PGM5: variants seen among roughly 807,000 people sequenced by gnomAD.
The protein encoded by PGM5 is phosphoglucomutase 5.
Under a neutral mutation model 59.2 loss-of-function variants are expected in PGM5, and 23 were observed. The observed-to-expected ratio is 0.39, with a 90% confidence interval of 0.28 to 0.55. The LOEUF is 0.55. PGM5 is among the 20% of genes least tolerant of loss of function. PGM5 has a pLI of 0.66. For synonymous variants in PGM5, 214 were observed against 286.0 expected (o/e 0.75, Z 2.54); for missense variants, 574 against 748.3 (o/e 0.77, Z 2.72).
chr9:68,413,502 A>C (rs643533), intron 6 of PGM5, among the ~76,000 whole-genome samples: 2 of 152,162 alleles, frequency 1.3e-5, no homozygotes, highest in Non-Finnish European at 1.5e-5. Context: ...TTTCAGAATC[A>C]CTTACCTAGA....
chr9:68,514,370 G>A (rs1554689584), intron 10 of PGM5, among the ~76,000 whole-genome samples: 2 of 152,276 alleles, frequency 1.3e-5, no homozygotes, highest in Admixed American at 1.3e-4. Context: ...GGGAGGCTGA[G>A]ACGGGTGAAT....
At chr9:68,486,964 C>T (rs887016613) in intron 9 of PGM5, among the ~76,000 whole-genome samples, 1 of 152,158 alleles carries the variant, frequency 6.6e-6, no homozygotes, top group Non-Finnish European at 1.5e-5. Flanking sequence ...TTTAAAAATA[C>T]TGTTATTTTA....
intron 4 of PGM5, among the ~76,000 whole-genome samples, chr9:68,389,452 A>G (rs1554679264): frequency 6.6e-6 from 1 of 151,958 alleles, no homozygotes; most frequent in African/African-American, 2.4e-5. Flanking sequence ...TTCTGCCCCC[A>G]TAGTTTTGCA....
chr9:68,466,144 T>C (rs1554685790), intron 7 of PGM5: 2 of 1,299,912 alleles, frequency 1.5e-6, no homozygotes, highest in Admixed American at 4.7e-5. Flanking sequence ...TCTCCCCTTT[T>C]TTCTTCTTGT....
At chr9:68,488,699 G>A (rs1824338197) in intron 9 of PGM5, among the ~76,000 whole-genome samples, 2 of 152,112 alleles carry the variant, frequency 1.3e-5, no homozygotes, top group African/African-American at 4.8e-5. Context: ...CACTATACAG[G>A]GCCCAAGAGA....
chr9:68,459,039 T>G (rs546748964), intron 6 of PGM5, among the ~76,000 whole-genome samples: 1 of 152,176 alleles, frequency 6.6e-6, no homozygotes, highest in Non-Finnish European at 1.5e-5. Context: ...AAGAGCTAAC[T>G]TGAGGGCTGT....
chr9:68,501,337 C>A (rs1350706280), intron 10 of PGM5, among the ~76,000 whole-genome samples: 1 of 152,168 alleles, frequency 6.6e-6, no homozygotes, highest in African/African-American at 2.4e-5. Context: ...ACATTTGAGT[C>A]AGGATATAAC....
rs79422246 is a variant in PGM5 at position 68,509,549 on chromosome 9, G to A, written c.1614+10188G>A. On this transcript the variant is annotated intron_variant, in intron 10 of 10. Transcript: ENST00000396396. ...ATGATGAGATGACGGCCATTGAAGA[G>A]ATAGTTTGTTACTCACAGTTCCCAA... Among the ~76,000 whole-genome samples the A allele has an allele frequency of 1.9e-3, 292 of 152,302 alleles. 2 individuals are homozygous for A. The highest frequency in any genetic ancestry group is 6.7e-3 in the African/African-American group (278 of 41,550).
intron 10 of PGM5, 60 bp from the exon 11 acceptor site, chr9:68,529,507 A>G (rs1825046384): frequency 8.4e-7 from 1 of 1,197,564 alleles, no homozygotes; most frequent in South Asian, 1.3e-5. Context: ...GAAATCCATC[A>G]GAATGCCCCA....
At chr9:68,524,128 G>C (rs913250791) in intron 10 of PGM5, among the ~76,000 whole-genome samples, 1 of 152,018 alleles carries the variant, frequency 6.6e-6, no homozygotes, top group Non-Finnish European at 1.5e-5. Context: ...CCTAATCTAG[G>C]ATTTATGTGG....
chr9:68,514,834 A>G (rs1443989400), intron 10 of PGM5, among the ~76,000 whole-genome samples: 9 of 152,180 alleles, frequency 5.9e-5, no homozygotes, highest in Non-Finnish European at 1.3e-4. Context: ...CATGCAGAAA[A>G]TAACCCAGAC....
intron 1 of PGM5, among the ~76,000 whole-genome samples, chr9:68,372,509 C>A (rs1554677255): frequency 1.3e-5 from 2 of 152,082 alleles, no homozygotes; most frequent in Non-Finnish European, 2.9e-5. Flanking sequence ...GTGTTGGCCC[C>A]TGCTGCTGGT....
chr9:68,391,843 C>T lies in PGM5; in HGVS notation c.888+119C>T, dbSNP rs1162017079. ...CATGTATGGGACATGTGTGCCCTAA[C>T]TGGCTCTGCATCTGCCCTTCTGTTT... On this transcript the variant is annotated intron_variant, in intron 5 of 10. Coordinates refer to ENST00000396396, the MANE Select transcript of PGM5 (RefSeq NM_021965.4). 4.0e-6 allele frequency: 4 copies of T among 1,005,478 alleles called. No homozygotes were observed. The African/African-American group carries it at 6.5e-5, about 16-fold the overall frequency. 62.3% of individuals were successfully genotyped at this position (1,005,478 alleles called of 1,614,324 possible). A position where few individuals can be genotyped will look rare whatever the true frequency, so the allele number is the denominator to read the frequency against.
chr9:68,500,428 A>T (rs2132105943), intron 10 of PGM5, among the ~76,000 whole-genome samples: 1 of 152,082 alleles, frequency 6.6e-6, no homozygotes. Context: ...GAGTAAAATC[A>T]TCCTAGATGG....
intron 9 of PGM5, chr9:68,498,183 C>T (rs1456688815): frequency 6.6e-6 from 1 of 152,194 alleles, no homozygotes; most frequent in Admixed American, 6.5e-5. Flanking sequence ...AGCTACATGC[C>T]TCCCCCATAT....
At chr9:68,387,190 A>G (rs1822244110) in intron 3 of PGM5, among the ~76,000 whole-genome samples, 1 of 151,992 alleles carries the variant, frequency 6.6e-6, no homozygotes, top group South Asian at 2.1e-4. Context: ...ATCTTAATTT[A>G]TTCTTGTGGT....
In PGM5 at chr9:68,479,414, T is replaced by G; in HGVS notation, c.1160-4T>G. The G allele has an allele frequency of 6.2e-7, 1 of 1,605,804 alleles. No homozygotes were observed. The highest frequency in any genetic ancestry group is 8.5e-7 in the Non-Finnish European group (1 of 1,177,808). Reference sequence around the variant, plus strand: ...GCTCAGCAGAATTTTTCTTTCACCTTTAGGCTCTGACCACCTCCGAGAGAA... The same window carrying G: ...GCTCAGCAGAATTTTTCTTTCACCTGTAGGCTCTGACCACCTCCGAGAGAA... On this transcript the variant is annotated splice_region_variant and splice_polypyrimidine_tract_variant and intron_variant, in intron 7 of 10. Coordinates refer to ENST00000396396, the MANE Select transcript of PGM5 (RefSeq NM_021965.4).
intron 10 of PGM5, among the ~76,000 whole-genome samples, chr9:68,513,895 A>G (rs901949483): frequency 1.3e-5 from 2 of 152,232 alleles, no homozygotes; most frequent in Admixed American, 1.3e-4. Context: ...GCTCTGACTC[A>G]TATCAGCCCA....
chr9:68,444,254 A>G (rs1554683883), intron 6 of PGM5, among the ~76,000 whole-genome samples: 2 of 152,134 alleles, frequency 1.3e-5, no homozygotes, highest in Admixed American at 6.5e-5. Context: ...ATCCCCACCC[A>G]TCCAACTGCA....
Sources: gnomAD v4.1 joint callset for allele counts (sites outside exome capture counted in the v4.1 genomes callset) on GRCh38, gnomAD v4.1.1 for gene constraint, MANE v1.5 for transcripts, NCBI Gene and HGNC (gene_info 2026-07-23, HGNC 2026-07-21) for gene names.